The following FBXO31 variants were observed in gnomAD, a reference collection of about 807,000 sequenced individuals.
FBXO31 encodes the protein F-box protein 31.
A neutral mutation model predicts 54.4 loss-of-function variants in FBXO31; 24 were observed. The observed-to-expected ratio is 0.44, with a 90% CI of 0.32 to 0.62. The LOEUF is 0.62. Among genes scored for constraint, FBXO31 ranks in the 20% least tolerant of loss-of-function variants. The pLI, the probability that FBXO31 is intolerant of heterozygous loss-of-function variation, is 0.05. For missense variants in FBXO31, 665 were observed against 787.1 expected, an observed-to-expected ratio of 0.84 and a Z score of 1.86; for synonymous variants, 388 against 335.6, an observed-to-expected ratio of 1.16 and a Z score of -1.71.
intron 2 of FBXO31, among the ~76,000 whole-genome samples, chr16:87,348,455 C>G: frequency 6.6e-6 from 1 of 152,338 alleles, no homozygotes; most frequent in South Asian, 2.1e-4. Flanking sequence ...ACCCAGTGAC[C>G]TTCCCTGAAC....
intron 1 of FBXO31, among the ~76,000 whole-genome samples, chr16:87,376,276 C>CTT (rs879607258): frequency 2.7e-5 from 4 of 145,574 alleles, no homozygotes; most frequent in African/African-American, 7.5e-5. Flanking sequence ...TTTTTTCTTT[C>CTT]TTTTTTTTTT....
In FBXO31 at chr16:87,332,815, C is replaced by G. The variant is rs940128388; in HGVS notation, c.1397+1071G>C. ...AGCGGGAAATACAGACACATAGCAG[C>G]ATACGCACATAGTGGCTTGGAGGTA... On this transcript the variant is annotated intron_variant, in intron 8 of 8. Transcript: ENST00000311635. 3.9e-5 allele frequency among the ~76,000 whole-genome samples: 6 copies of G among 152,144 alleles called. No individual in the cohort carries two copies. In the East Asian group the frequency reaches 1.2e-3, roughly 29 times the overall value.
At chr16:87,356,454 C>CGTCCACAGACTCCTGAGAG (rs1162958570) in intron 2 of FBXO31, among the ~76,000 whole-genome samples, 4 of 152,186 alleles carry the variant, frequency 2.6e-5, no homozygotes, top group Non-Finnish European at 4.4e-5. Flanking sequence ...CCGTGTTCCC[C>CGTCCACAGACTCCTGAGAG]GTCCACAGAC....
chr16:87,377,459 G>A (rs1202566596), intron 1 of FBXO31, among the ~76,000 whole-genome samples: 1 of 151,960 alleles, frequency 6.6e-6, no homozygotes, highest in East Asian at 1.9e-4. Context: ...CAAAAAAGTT[G>A]GAAATTTTGC....
chr16:87,343,076 C>A, intron 4 of FBXO31, 125 bp from the exon 5 acceptor site: 1 of 741,102 alleles, frequency 1.3e-6, no homozygotes, highest in Non-Finnish European at 2.2e-6. Context: ...CTGCAGGCAC[C>A]CAAGATGCGA....
At chr16:87,339,509 G>A (rs542598260) in intron 5 of FBXO31, among the ~76,000 whole-genome samples, 4 of 152,218 alleles carry the variant, frequency 2.6e-5, no homozygotes. Flanking sequence ...CCCTGCAGAA[G>A]AGGAGAGGCT....
chr16:87,373,522 C>T (rs1906691294), intron 1 of FBXO31, among the ~76,000 whole-genome samples: 1 of 143,786 alleles, frequency 7.0e-6, no homozygotes, highest in Non-Finnish European at 1.5e-5. Context: ...CACATACATA[C>T]CTGAAGCCAA....
upstream of FBXO31, among the ~76,000 whole-genome samples, chr16:87,390,355 T>A (rs1303694001): frequency 2.0e-5 from 3 of 152,072 alleles, no homozygotes; most frequent in Non-Finnish European, 4.4e-5. Flanking sequence ...ATGGTGGGAG[T>A]AAATTAATTA....
intron 1 of FBXO31, among the ~76,000 whole-genome samples, chr16:87,379,822 G>A (rs559181475): frequency 1.3e-5 from 2 of 151,480 alleles, no homozygotes; most frequent in African/African-American, 2.4e-5. Context: ...TCCTGATCTC[G>A]GGTGATCTGC....
chr16:87,363,171 G>A (rs908150276), intron 1 of FBXO31, among the ~76,000 whole-genome samples: 1 of 152,118 alleles, frequency 6.6e-6, no homozygotes, highest in Admixed American at 6.5e-5. Context: ...GATCACCTGA[G>A]GTTGGGAGTT....
chr16:87,375,987 T>C (rs1359524936), intron 1 of FBXO31, among the ~76,000 whole-genome samples: 2 of 152,158 alleles, frequency 1.3e-5, no homozygotes, highest in East Asian at 3.9e-4. Context: ...AATAACCAAC[T>C]TACTATTGCC....
intron 1 of FBXO31, among the ~76,000 whole-genome samples, chr16:87,374,187 A>T (rs1217551139): frequency 1.3e-5 from 2 of 152,000 alleles, no homozygotes; most frequent in African/African-American, 4.8e-5. Context: ...AGTTGCCGTG[A>T]GCCATGATCG....
intron 5 of FBXO31, among the ~76,000 whole-genome samples, chr16:87,339,745 G>C (rs1234142249): frequency 6.6e-6 from 1 of 152,264 alleles, no homozygotes; most frequent in Non-Finnish European, 1.5e-5. Flanking sequence ...ACAGCAAGGG[G>C]ATGTTTCTGG....
chr16:87,350,121 C>T (rs369712243), intron 2 of FBXO31, among the ~76,000 whole-genome samples: 1 of 151,998 alleles, frequency 6.6e-6, no homozygotes, highest in African/African-American at 2.4e-5. Flanking sequence ...GGCAGGATCT[C>T]GGGGCTCTGC....
chr16:87,382,315 G>A (rs2150700458), intron 1 of FBXO31, among the ~76,000 whole-genome samples: 1 of 152,298 alleles, frequency 6.6e-6, no homozygotes, highest in African/African-American at 2.4e-5. Context: ...TTTTTAAAAT[G>A]TTAAGAGTGG....
chr16:87,383,312 C>A lies in FBXO31; in HGVS notation c.340+93G>T. 8.2e-7 allele frequency: 1 copy of A among 1,220,462 alleles called. No homozygotes were observed. The highest frequency in any genetic ancestry group is 1.1e-6 in the Non-Finnish European group (1 of 919,420). 75.6% of individuals were successfully genotyped at this position (1,220,462 alleles called of 1,614,324 possible). On this transcript the variant is annotated intron_variant, in intron 1 of 8. Transcript: ENST00000311635. This position sits in a 1 kb window ranked among gnomAD's most constrained non-coding sequence, Gnocchi z 4.9. ...CCCGCGCCCAACTGGTGGCCCCCGG[C>A]CGGGGCCACCGCCCCCGCCACTCCC...
chr16:87,335,162 C>T lies in FBXO31; in HGVS notation c.996+142G>A. Reference sequence around the variant, plus strand: ...GCTGGGGCCCGAGAATCTGCTTTCCCAAGCTCCCGGGGCTGCAGGTGCAAG... The same window carrying T: ...GCTGGGGCCCGAGAATCTGCTTTCCTAAGCTCCCGGGGCTGCAGGTGCAAG... On this transcript the variant is annotated intron_variant, in intron 7 of 8. Coordinates refer to ENST00000311635, the MANE Select transcript of FBXO31 (RefSeq NM_024735.5). The surrounding 1 kb of genome is among the most constrained non-coding windows in gnomAD (Gnocchi z 5.7). 8.2e-7 allele frequency: 1 copy of T among 1,216,426 alleles called. No homozygotes were observed. The highest frequency in any genetic ancestry group is 1.2e-6 in the Non-Finnish European group (1 of 858,396). The allele number at this position is 1,216,426 out of a possible 1,614,324, so 75.4% of individuals were successfully genotyped here.
chr16:87,340,331 C>A (rs1934778038), intron 5 of FBXO31, among the ~76,000 whole-genome samples: 1 of 152,198 alleles, frequency 6.6e-6, no homozygotes, highest in Non-Finnish European at 1.5e-5. Context: ...GTGGTACTGA[C>A]ATGTGGACAG....
chr16:87,387,488 AC>A (rs992105107), upstream of FBXO31, among the ~76,000 whole-genome samples: 3 of 152,200 alleles, frequency 2.0e-5, no homozygotes, highest in African/African-American at 7.2e-5. Flanking sequence ...CTCAAAGGTC[AC>A]AAGTAGTATT....
Sources: gnomAD v4.1 joint callset for allele counts (sites outside exome capture counted in the v4.1 genomes callset) on GRCh38, gnomAD v4.1.1 for gene constraint, Gnocchi (gnomAD v3.1) non-coding constraint, MANE v1.5 for transcripts, NCBI Gene and HGNC (gene_info 2026-07-23, HGNC 2026-07-21) for gene names.